Variants in ALK observed in about 807,000 individuals in gnomAD.
ALK encodes the protein ALK tyrosine kinase receptor.
In ALK, 74 loss-of-function variants were observed where a neutral mutation model predicts 163.1. That is an observed-to-expected ratio of 0.45 (90% confidence interval 0.38 to 0.55). ALK has a LOEUF of 0.55. ALK is among the 20% of genes least tolerant of loss of function. ALK has a pLI of 0.00. For synonymous variants in ALK, 960 were observed against 843.2 expected (o/e 1.14, Z -2.40); for missense variants, 2,063 against 2,105.3 (o/e 0.98, Z 0.39).
At chr2:29,236,867 C>A (rs553371230) in intron 13 of ALK, among the ~76,000 whole-genome samples, 118 of 152,272 alleles carry the variant, frequency 7.7e-4, no homozygotes, top group African/African-American at 2.8e-3. Context: ...ATATTTATAT[C>A]CCCAGCCTGG....
At chr2:29,865,281 G>C (rs189373205) in intron 1 of ALK, among the ~76,000 whole-genome samples, 28 of 152,236 alleles carry the variant, frequency 1.8e-4, no homozygotes, top group African/African-American at 6.0e-4. Context: ...ATTCCTACTA[G>C]CTCCAGCTAA....
chr2:29,420,665 C>G (rs1669995111), intron 4 of ALK, among the ~76,000 whole-genome samples: 1 of 151,492 alleles, frequency 6.6e-6, no homozygotes, highest in African/African-American at 2.5e-5. Flanking sequence ...GCCCGCGACT[C>G]CTCTGTGCGG....
chr2:29,228,252 C>T (rs922795891), intron 16 of ALK, among the ~76,000 whole-genome samples: 11 of 152,210 alleles, frequency 7.2e-5, no homozygotes, highest in African/African-American at 2.4e-5. Flanking sequence ...AACACAGACA[C>T]GAACACCACA....
intron 7 of ALK, among the ~76,000 whole-genome samples, chr2:29,319,437 G>A (rs1242058343): frequency 6.6e-6 from 1 of 152,230 alleles, no homozygotes; most frequent in African/African-American, 2.4e-5. Context: ...AGCTGGCATT[G>A]TGTGACTGGG....
chr2:29,734,885 C>T (rs974625617), intron 1 of ALK, among the ~76,000 whole-genome samples: 4 of 152,036 alleles, frequency 2.6e-5, no homozygotes, highest in Admixed American at 2.0e-4. Flanking sequence ...ATGCTCAGCA[C>T]TGCTGAGGGC....
At chr2:29,236,866 T>C (rs1166229495) in intron 13 of ALK, among the ~76,000 whole-genome samples, 1 of 152,172 alleles carries the variant, frequency 6.6e-6, no homozygotes, top group East Asian at 1.9e-4. Flanking sequence ...AATATTTATA[T>C]CCCCAGCCTG....
At chr2:29,666,391 T>G (rs1163162808) in intron 3 of ALK, among the ~76,000 whole-genome samples, 1 of 152,074 alleles carries the variant, frequency 6.6e-6, no homozygotes, top group African/African-American at 2.4e-5. Context: ...TTTCTTACTC[T>G]GTTGAGTCAT....
intron 3 of ALK, among the ~76,000 whole-genome samples, chr2:29,637,733 TG>T (rs1247989513): frequency 4.1e-4 from 48 of 118,030 alleles, no homozygotes; most frequent in African/African-American, 1.6e-3. Context: ...GAGGACTCTT[TG>T]TGGTGCTGGG....
intron 1 of ALK, among the ~76,000 whole-genome samples, chr2:29,916,035 T>C (rs1017284002): frequency 1.3e-5 from 2 of 152,226 alleles, no homozygotes; most frequent in African/African-American, 4.8e-5. Context: ...GTTTGGATCA[T>C]AAAAAGGTTC....
At chr2:29,849,702 G>A (rs560734894) in intron 1 of ALK, among the ~76,000 whole-genome samples, 1 of 152,246 alleles carries the variant, frequency 6.6e-6, no homozygotes, top group East Asian at 1.9e-4. Flanking sequence ...AATCTACCTT[G>A]GCCAGTTTTG....
rs570114982 is a variant in ALK at position 29,896,861 on chromosome 2, C to A, written c.667+23132G>T. ...TTCATTACCTCACACAGGCAGGTTT[C>A]TGTATTGTGTAAATACATGGAAATA... On this transcript the variant is annotated intron_variant, in intron 1 of 28. Transcript: ENST00000389048. Among the ~76,000 whole-genome samples the A allele has an allele frequency of 1.5e-4, 23 of 152,328 alleles. No individual in the cohort carries two copies. In the South Asian group the frequency reaches 4.6e-3, roughly 30 times the overall value.
intron 5 of ALK, among the ~76,000 whole-genome samples, chr2:29,349,823 C>A (rs1031598207): frequency 6.6e-6 from 1 of 152,146 alleles, no homozygotes; most frequent in African/African-American, 2.4e-5. Flanking sequence ...ATGTACAGTG[C>A]GACTGTGGGG....
rs567752336 is a variant in ALK, at chr2:29,896,792, T to C, written c.667+23201A>G. ...ATCACGCACCTCCACATGATCCCATTGGACAGTAAAAGTTCATTGTAAGAA... is the reference window on the plus strand; with the variant it reads ...ATCACGCACCTCCACATGATCCCATCGGACAGTAAAAGTTCATTGTAAGAA... On this transcript the variant is annotated intron_variant, in intron 1 of 28. Transcript: ENST00000389048. 1.8e-4 allele frequency among the ~76,000 whole-genome samples: 28 copies of C among 152,290 alleles called. 2 individuals are homozygous for C. Among genetic ancestry groups the C allele is most frequent in the Admixed American group, 1.1e-3 (17 of 15,300 alleles).
chr2:29,306,863 G>A lies in ALK; in HGVS notation c.1648-9806C>T, dbSNP rs377748484. Among the ~76,000 whole-genome samples, 8 of 152,296 alleles carry A rather than the reference G, an allele frequency of 5.3e-5. No individual in the cohort carries two copies. The South Asian group carries it at 1.7e-3, about 32-fold the overall frequency. ...TATGCAGACAGCAAATGAGACAAGT[G>A]AGTAGAGACAACACCAGGAGTACGC... On this transcript the variant is annotated intron_variant, in intron 8 of 28. Coordinates refer to ENST00000389048, the MANE Select transcript of ALK (RefSeq NM_004304.5).
intron 1 of ALK, among the ~76,000 whole-genome samples, chr2:29,820,963 G>A (rs1158053262): frequency 6.6e-6 from 1 of 152,168 alleles, no homozygotes; most frequent in Non-Finnish European, 1.5e-5. Flanking sequence ...TCAGGGGTTG[G>A]GGGTAGAGCA....
At chr2:29,606,254 G>C (rs1054852118) in intron 3 of ALK, among the ~76,000 whole-genome samples, 6 of 152,146 alleles carry the variant, frequency 3.9e-5, no homozygotes, top group African/African-American at 1.4e-4. Context: ...TTAAGCAAAA[G>C]GCCTACTGGA....
chr2:29,909,957 G>A (rs1281435251), intron 1 of ALK, among the ~76,000 whole-genome samples: 5 of 116,598 alleles, frequency 4.3e-5, no homozygotes, highest in African/African-American at 1.4e-4. Context: ...TTCAGCAATG[G>A]AATATTCATA....
intron 4 of ALK, among the ~76,000 whole-genome samples, chr2:29,479,869 C>T (rs181210462): frequency 6.6e-6 from 1 of 152,170 alleles, no homozygotes; most frequent in Non-Finnish European, 1.5e-5. Context: ...TAGGTTCAGA[C>T]TGGGAAAAGG....
chr2:29,827,463 CTT>C (rs1202618124), intron 1 of ALK, among the ~76,000 whole-genome samples: 10 of 152,188 alleles, frequency 6.6e-5, no homozygotes, highest in African/African-American at 2.2e-4. Flanking sequence ...ATGATGAACT[CTT>C]TGCAGATTTT....
Sources: gnomAD v4.1 joint callset for allele counts (sites outside exome capture counted in the v4.1 genomes callset) on GRCh38, gnomAD v4.1.1 for gene constraint, MANE v1.5 for transcripts, NCBI Gene and HGNC (gene_info 2026-07-23, HGNC 2026-07-21) for gene names.